SERPINI1: variants seen among roughly 807,000 people sequenced by gnomAD.
The protein encoded by SERPINI1 is neuroserpin.
SERPINI1 carries 19 observed loss-of-function variants against 41.1 expected under a neutral mutation model. That is an observed-to-expected ratio of 0.46 (90% CI 0.32 to 0.68). The LOEUF (loss-of-function observed/expected upper bound fraction) is 0.68, where lower values mean the gene tolerates loss of function less well. Ranked by LOEUF, SERPINI1 falls within the 30% of genes least tolerant of loss-of-function variation. The pLI is 0.03. For missense variants in SERPINI1, 460 were observed against 479.2 expected (o/e 0.96, Z 0.37); for synonymous variants, 138 against 156.6 (o/e 0.88, Z 0.89).
intron 1 of SERPINI1, among the ~76,000 whole-genome samples, chr3:167,782,013 A>G (rs933942486): frequency 6.6e-6 from 1 of 152,114 alleles, no homozygotes; most frequent in African/African-American, 2.4e-5. Flanking sequence ...GAAATGCAAG[A>G]ATTAAGGATA....
intron 6 of SERPINI1, among the ~76,000 whole-genome samples, chr3:167,808,909 G>A (rs1218818573): frequency 1.3e-5 from 2 of 152,158 alleles, no homozygotes; most frequent in Non-Finnish European, 2.9e-5. Context: ...CCAGATTTAG[G>A]ATTGAACGTG....
At chr3:167,821,200 C>G (rs1362850401) in intron 6 of SERPINI1, among the ~76,000 whole-genome samples, 1 of 152,162 alleles carries the variant, frequency 6.6e-6, no homozygotes, top group African/African-American at 2.4e-5. Context: ...AATGGCAGGA[C>G]TGAAAGAGCT....
At chr3:167,822,687 A>G (rs1461877583) in intron 6 of SERPINI1, among the ~76,000 whole-genome samples, 1 of 152,206 alleles carries the variant, frequency 6.6e-6, no homozygotes, top group Non-Finnish European at 1.5e-5. Flanking sequence ...GTCTTGACTT[A>G]TGAAATAATT....
chr3:167,810,389 C>T (rs1711828984), intron 6 of SERPINI1, among the ~76,000 whole-genome samples: 1 of 152,082 alleles, frequency 6.6e-6, no homozygotes. Flanking sequence ...ACAGGTTTGG[C>T]TCTATACCAC....
Position 167,789,162 on chromosome 3 carries a change from C to T in SERPINI1, c.34C>T (p.Leu12=). Residue 12 remains leucine (L), a synonymous_variant, in exon 2 of 9, where the codon CTG becomes TTG. Transcript: ENST00000446050. Reference sequence around the variant, plus strand: ...CCTTGGACTCTTCTCTTTGCTGGTTCTGCAAAGTATGGCTACAGGGGCCAC... The same window carrying T: ...CCTTGGACTCTTCTCTTTGCTGGTTTTGCAAAGTATGGCTACAGGGGCCAC... ...AFLGLFSLLV[L]QSMATGATFP... is the part of the protein sequence containing the mutation. 1 of 1,614,110 alleles carries T rather than the reference C, an allele frequency of 6.2e-7. No homozygotes were observed. Among genetic ancestry groups the T allele is most frequent in the Non-Finnish European group, 8.5e-7 (1 of 1,179,998 alleles).
intron 1 of SERPINI1, among the ~76,000 whole-genome samples, chr3:167,768,743 A>T (rs1726643989): frequency 6.6e-6 from 1 of 152,214 alleles, no homozygotes. Flanking sequence ...ATCCTACTGA[A>T]TAGAATAGGT....
intron 5 of SERPINI1, among the ~76,000 whole-genome samples, 170 bp downstream of exon 5, chr3:167,794,994 T>C (rs985771893): frequency 5.3e-5 from 8 of 152,198 alleles, no homozygotes; most frequent in Non-Finnish European, 1.0e-4. Context: ...TTTGATTTTC[T>C]TCTTTTTAGT....
At chr3:167,774,760 A>T (rs1726906964) in intron 1 of SERPINI1, among the ~76,000 whole-genome samples, 1 of 145,860 alleles carries the variant, frequency 6.9e-6, no homozygotes, top group Non-Finnish European at 1.5e-5. Flanking sequence ...GAGCAGTTTC[A>T]TCCCCAAACC....
chr3:167,804,615 T>TTGAAA (rs1425542039), intron 5 of SERPINI1, among the ~76,000 whole-genome samples: 1 of 152,138 alleles, frequency 6.6e-6, no homozygotes, highest in African/African-American at 2.4e-5. Context: ...GGAAGATTGC[T>TTGAAA]TTAGACCAGA....
chr3:167,806,075 A>G (rs538384188), intron 5 of SERPINI1, among the ~76,000 whole-genome samples: 3 of 152,170 alleles, frequency 2.0e-5, no homozygotes, highest in Admixed American at 6.5e-5. Context: ...ACCAACCCAA[A>G]TGTCCATCAA....
At chr3:167,790,219 A>T (rs1727453371) in intron 2 of SERPINI1, among the ~76,000 whole-genome samples, 153 bp from the exon 3 acceptor site, 1 of 152,194 alleles carries the variant, frequency 6.6e-6, no homozygotes, top group African/African-American at 2.4e-5. Flanking sequence ...TAGTACAAGT[A>T]TTGGACCATA....
intron 1 of SERPINI1, among the ~76,000 whole-genome samples, chr3:167,755,797 T>C: frequency 6.7e-6 from 1 of 148,584 alleles, no homozygotes; most frequent in South Asian, 2.1e-4. Context: ...GTTGCTGATT[T>C]TTTTTTTTTT....
chr3:167,775,990 C>T (rs948085786), intron 1 of SERPINI1, among the ~76,000 whole-genome samples: 2 of 152,134 alleles, frequency 1.3e-5, no homozygotes, highest in Non-Finnish European at 2.9e-5. Context: ...ACTCTTTTCT[C>T]ACCTACAAAA....
intron 1 of SERPINI1, among the ~76,000 whole-genome samples, chr3:167,766,738 G>A: frequency 6.6e-6 from 1 of 152,214 alleles, no homozygotes; most frequent in East Asian, 1.9e-4. Context: ...GGTCTAGATA[G>A]ATCAAACCAG....
At chr3:167,784,821 T>C (rs989022007) in intron 1 of SERPINI1, among the ~76,000 whole-genome samples, 11 of 152,160 alleles carry the variant, frequency 7.2e-5, no homozygotes, top group Non-Finnish European at 1.6e-4. Flanking sequence ...GCTGGGGACA[T>C]AGCAAAACCA....
At chr3:167,781,616 C>G (rs920664817) in intron 1 of SERPINI1, among the ~76,000 whole-genome samples, 5 of 143,868 alleles carry the variant, frequency 3.5e-5, no homozygotes, top group African/African-American at 1.0e-4. Flanking sequence ...GCATTTCTCC[C>G]TAGTTATTTC....
At chr3:167,793,042 G>A (rs1727582800) in intron 4 of SERPINI1, among the ~76,000 whole-genome samples, 2 of 152,120 alleles carry the variant, frequency 1.3e-5, no homozygotes, top group South Asian at 4.1e-4. Context: ...ACCTGACATT[G>A]TGTGAGAATG....
chr3:167,816,257 C>T (rs868156130), intron 6 of SERPINI1, among the ~76,000 whole-genome samples: 2 of 152,078 alleles, frequency 1.3e-5, no homozygotes, highest in Middle Eastern at 6.8e-3. Flanking sequence ...GTATCCGACT[C>T]CTGGGCTCAA....
intron 1 of SERPINI1, among the ~76,000 whole-genome samples, chr3:167,742,923 G>C (rs1486885084): frequency 1.3e-5 from 2 of 151,204 alleles, no homozygotes; most frequent in Non-Finnish European, 2.9e-5. Flanking sequence ...CAAATTTTAA[G>C]TCCCTGAGCA....
Sources: gnomAD v4.1 joint callset for allele counts (sites outside exome capture counted in the v4.1 genomes callset) on GRCh38, gnomAD v4.1.1 for gene constraint, MANE v1.5 for transcripts, NCBI Gene and HGNC (gene_info 2026-07-23, HGNC 2026-07-21) for gene names.